CSMD3: variants seen among roughly 807,000 people sequenced by gnomAD.
CSMD3 encodes the protein CUB and sushi domain-containing protein 3.
Under a neutral mutation model 435.2 loss-of-function variants are expected in CSMD3, and 177 were observed. That is an observed-to-expected ratio of 0.41 (90% CI 0.36 to 0.46). The LOEUF (loss-of-function observed/expected upper bound fraction) is 0.46, where lower values mean the gene tolerates loss of function less well. Ranked by LOEUF, CSMD3 falls within the 20% of genes least tolerant of loss-of-function variation. The pLI, the probability that CSMD3 is intolerant of heterozygous loss-of-function variation, is 0.34. For synonymous variants in CSMD3, 1,656 were observed against 1,520.5 expected (o/e 1.09, Z -2.07); for missense variants, 4,265 against 4,504.6 (o/e 0.95, Z 1.52).
intron 4 of CSMD3, among the ~76,000 whole-genome samples, chr8:113,150,747 A>G (rs997982692): frequency 6.6e-6 from 1 of 152,042 alleles, no homozygotes; most frequent in Non-Finnish European, 1.5e-5. Context: ...TAATTTATTC[A>G]TTACCACTAT....
intron 9 of CSMD3, among the ~76,000 whole-genome samples, chr8:112,934,040 G>A (rs2083201754): frequency 6.6e-6 from 1 of 151,952 alleles, no homozygotes; most frequent in East Asian, 1.9e-4. Flanking sequence ...TTTTATCTAG[G>A]GTTTAGCCCA....
intron 13 of CSMD3, among the ~76,000 whole-genome samples, chr8:112,775,754 A>G (rs1195697159): frequency 2.0e-5 from 3 of 151,856 alleles, no homozygotes; most frequent in South Asian, 4.1e-4. Flanking sequence ...TCACAAAGCA[A>G]TATATTTGTA....
chr8:112,874,694 G>A, intron 10 of CSMD3, among the ~76,000 whole-genome samples: 1 of 152,228 alleles, frequency 6.6e-6, no homozygotes, highest in Admixed American at 6.5e-5. Flanking sequence ...TTGGTTTAAA[G>A]TCTGTTTTAT....
At chr8:112,487,022 A>G (rs1017659915) in intron 31 of CSMD3, among the ~76,000 whole-genome samples, 1 of 152,184 alleles carries the variant, frequency 6.6e-6, no homozygotes, top group Non-Finnish European at 1.5e-5. Flanking sequence ...TCTTAGGGTC[A>G]TATATTATAA....
chr8:112,409,097 A>C (rs1832108885), intron 32 of CSMD3, 65 bp from the exon 33 acceptor site: 2 of 1,608,280 alleles, frequency 1.2e-6, no homozygotes, highest in Non-Finnish European at 1.7e-6. Flanking sequence ...AACAAAAAAC[A>C]AAAAAATAGA....
intron 13 of CSMD3, among the ~76,000 whole-genome samples, chr8:112,783,063 C>T (rs761986500): frequency 1.6e-4 from 24 of 151,954 alleles, no homozygotes; most frequent in South Asian, 4.2e-4. Flanking sequence ...GTAATTGTGG[C>T]GTGTAAACTA....
In CSMD3 at chr8:112,281,358, A is replaced by C. The variant is rs770708535; in HGVS notation, c.9332-8T>G. On this transcript the variant is annotated splice_region_variant and splice_polypyrimidine_tract_variant and intron_variant, in intron 58 of 70. Coordinates refer to ENST00000297405, the MANE Select transcript of CSMD3 (RefSeq NM_198123.2). ...GGTTACCACACTGCACAGCTATAAA[A>C]CAAAGTGTTTAAGAGTATATATAAA... The C allele has an allele frequency of 2.0e-5, 32 of 1,610,380 alleles. No homozygotes were observed. In the South Asian group the frequency reaches 3.2e-4, roughly 16 times the overall value.
rs962106742 is a variant in CSMD3 at position 112,244,818 on chromosome 8, G to GA, written c.10223-246dup. ...TGTTAATAGATGTTAAATAAATTGA[G>GA]AAAAAAAAAGACATTGTCAACAACT... On this transcript the variant is annotated intron_variant, in intron 64 of 70. Transcript: ENST00000297405. Among the ~76,000 whole-genome samples, 9 of 149,966 alleles carry GA rather than the reference G, an allele frequency of 6.0e-5. No individual in the cohort carries two copies. In the South Asian group the frequency reaches 1.5e-3, roughly 24 times the overall value.
At chr8:112,668,662 A>G (rs1332166379) in intron 16 of CSMD3, among the ~76,000 whole-genome samples, 1 of 152,066 alleles carries the variant, frequency 6.6e-6, no homozygotes, top group African/African-American at 2.4e-5. Context: ...TCTCCTACTT[A>G]TGACATTTTC....
chr8:112,841,352 C>A (rs1000335223), intron 11 of CSMD3, among the ~76,000 whole-genome samples: 2 of 151,772 alleles, frequency 1.3e-5, no homozygotes, highest in Non-Finnish European at 2.9e-5. Context: ...ACTACTCACT[C>A]TGTCTCAGAC....
At chr8:113,429,290 G>A (rs1166555693) in intron 1 of CSMD3, among the ~76,000 whole-genome samples, 4 of 151,294 alleles carry the variant, frequency 2.6e-5, no homozygotes, top group Non-Finnish European at 5.9e-5. Context: ...TAACTAGAGA[G>A]AATACATAAA....
intron 6 of CSMD3, among the ~76,000 whole-genome samples, chr8:112,991,458 T>C (rs947529844): frequency 1.3e-5 from 2 of 151,848 alleles, no homozygotes; most frequent in African/African-American, 4.8e-5. Context: ...TTGCAAAATA[T>C]GCTCTCTAAA....
chr8:113,253,819 CAG>C (rs1256411341), intron 3 of CSMD3, among the ~76,000 whole-genome samples: 5 of 145,712 alleles, frequency 3.4e-5, no homozygotes, highest in Non-Finnish European at 6.0e-5. Context: ...AGTCTGGTGA[CAG>C]AGTGAGACTC....
chr8:113,070,493 G>C (rs2089061966), intron 5 of CSMD3, among the ~76,000 whole-genome samples: 1 of 151,912 alleles, frequency 6.6e-6, no homozygotes, highest in African/African-American at 2.4e-5. Context: ...GCAAATTGTA[G>C]TGAATATACA....
intron 32 of CSMD3, among the ~76,000 whole-genome samples, chr8:112,445,890 G>A (rs1815547839): frequency 6.6e-6 from 1 of 151,962 alleles, no homozygotes; most frequent in Non-Finnish European, 1.5e-5. Context: ...TGCACTTAAA[G>A]AATCAAAATT....
chr8:112,397,786 G>T (rs1830977668), intron 35 of CSMD3, among the ~76,000 whole-genome samples: 1 of 152,076 alleles, frequency 6.6e-6, no homozygotes, highest in African/African-American at 2.4e-5. Flanking sequence ...ATGAATTTGG[G>T]GGATTCAAAC....
intron 22 of CSMD3, among the ~76,000 whole-genome samples, chr8:112,594,873 A>G (rs1831543367): frequency 6.6e-6 from 1 of 151,724 alleles, no homozygotes; most frequent in East Asian, 1.9e-4. Flanking sequence ...GTACATCACC[A>G]TCATCAAAGA....
intron 27 of CSMD3, 105 bp from the exon 28 acceptor site, chr8:112,517,330 T>A: frequency 1.4e-6 from 1 of 738,116 alleles, no homozygotes. Flanking sequence ...GGGGTCAATT[T>A]TTAAATGCTA....
chr8:113,050,847 T>C (rs577785683), intron 5 of CSMD3, among the ~76,000 whole-genome samples: 1 of 152,180 alleles, frequency 6.6e-6, no homozygotes, highest in African/African-American at 2.4e-5. Context: ...AAATACTTTA[T>C]ATATAGATCC....
Sources: gnomAD v4.1 joint callset for allele counts (sites outside exome capture counted in the v4.1 genomes callset) on GRCh38, gnomAD v4.1.1 for gene constraint, MANE v1.5 for transcripts, NCBI Gene and HGNC (gene_info 2026-07-23, HGNC 2026-07-21) for gene names.